TOR1B: variants seen among roughly 807,000 people sequenced by gnomAD.
TOR1B encodes the protein torsin-1B.
A neutral mutation model predicts 29.2 loss-of-function variants in TOR1B; 14 were observed. That is an observed-to-expected ratio of 0.48 (90% CI 0.32 to 0.75). The LOEUF (loss-of-function observed/expected upper bound fraction) is 0.75, where lower values mean the gene tolerates loss of function less well. Among genes scored for constraint, TOR1B ranks in the 30% least tolerant of loss-of-function variants. The pLI, the probability that TOR1B is intolerant of heterozygous loss-of-function variation, is 0.04. For missense variants in TOR1B, 400 were observed against 433.9 expected, an observed-to-expected ratio of 0.92 and a Z score of 0.69; for synonymous variants, 166 against 179.8, an observed-to-expected ratio of 0.92 and a Z score of 0.62.
rs1343462470 is a variant in TOR1B, at chr9:129,810,142, T to A, written c.*559T>A. 6 of 1,302,208 alleles carry A rather than the reference T, an allele frequency of 4.6e-6. No individual in the cohort carries two copies. In the East Asian group the frequency reaches 3.3e-4, roughly 72 times the overall value. 80.7% of individuals were successfully genotyped at this position (1,302,208 alleles called of 1,614,324 possible). On this transcript the variant is annotated 3_prime_UTR_variant, in exon 5 of 5. Coordinates refer to ENST00000259339, the MANE Select transcript of TOR1B (RefSeq NM_014506.3). ...GGACTTGCTGCAGGCTGGGGGGCAC[T>A]GGGTGGTTCTCACCAGCAGGCTGCG... is the stretch of plus-strand genomic sequence containing the variant.
At chr9:129,805,093 G>C (rs1391444020) in intron 2 of TOR1B, among the ~76,000 whole-genome samples, 1 of 150,282 alleles carries the variant, frequency 6.7e-6, no homozygotes, top group African/African-American at 2.5e-5. Flanking sequence ...AGCCGAGATC[G>C]CGCCACTGCA....
At chr9:129,808,791 A>T in intron 3 of TOR1B, 114 bp from the exon 4 acceptor site, 1 of 1,338,584 alleles carries the variant, frequency 7.5e-7, no homozygotes, top group East Asian at 2.5e-5. Flanking sequence ...ACCTCAGGTG[A>T]TCTACCTGCC....
chr9:129,803,994 T>C lies in TOR1B; in HGVS notation c.200-79T>C. 1.9e-6 allele frequency: 3 copies of C among 1,573,732 alleles called. No individual in the cohort carries two copies. The African/African-American group carries it at 4.1e-5, about 21-fold the overall frequency. On this transcript the variant is annotated intron_variant, in intron 1 of 4. Coordinates refer to ENST00000259339, the MANE Select transcript of TOR1B (RefSeq NM_014506.3). ...CCTGGATAATCTGTGCTTCTTGCTT[T>C]GGCCAGCTAAGAAAGTGCTGCGTTG...
chr9:129,809,104 C>T (rs2030680877), intron 4 of TOR1B, 72 bp downstream of exon 4: 3 of 1,541,218 alleles, frequency 1.9e-6, no homozygotes, highest in Non-Finnish European at 2.6e-6. Flanking sequence ...TTGAGTGTTT[C>T]ACAAAGCCAC....
intron 2 of TOR1B, among the ~76,000 whole-genome samples, chr9:129,806,312 A>T (rs1341216623): frequency 6.6e-6 from 1 of 152,176 alleles, no homozygotes; most frequent in Non-Finnish European, 1.5e-5. Flanking sequence ...GAGTAATATA[A>T]ATGGTTGAGG....
At position 129,803,224 on chromosome 9, in the gene TOR1B, T is replaced by C; in HGVS notation, c.12T>C (p.Ala4=). 1 of 1,518,536 alleles carries C rather than the reference T, an allele frequency of 6.6e-7. No homozygotes were observed. The allele number at this position is 1,518,536 out of a possible 1,614,324, so 94.1% of individuals were successfully genotyped here. A position where few individuals can be genotyped will look rare whatever the true frequency, so the allele number is the denominator to read the frequency against. ...CTTCGAGGAGCGGGATGTTGCGGGC[T>C]GGGTGGCTCCGGGGCGCGGCGGCGC... MLR[A]GWLRGAAALA... The change falls in exon 1 of 5, where the codon GCT becomes GCC. Residue 4 remains alanine, a synonymous_variant. Transcript: ENST00000259339.
Position 129,803,225 on chromosome 9 carries a change from G to T in TOR1B, c.13G>T (p.Gly5Trp). ...TTCGAGGAGCGGGATGTTGCGGGCT[G>T]GGTGGCTCCGGGGCGCGGCGGCGCT... MLRA[G>W]WLRGAAALAL... The change falls in exon 1 of 5, where the codon GGG becomes TGG. Residue 5 changes from glycine to tryptophan, a missense_variant. Transcript: ENST00000259339. The T allele has an allele frequency of 2.0e-6, 3 of 1,523,548 alleles. No individual in the cohort carries two copies. Among genetic ancestry groups the T allele is most frequent in the East Asian group, 2.5e-5 (1 of 39,534 alleles). 94.4% of individuals were successfully genotyped at this position (1,523,548 alleles called of 1,614,324 possible). A position where few individuals can be genotyped will look rare whatever the true frequency, so the allele number is the denominator to read the frequency against.
In TOR1B at chr9:129,804,346, A is replaced by G; in HGVS notation, c.465+8A>G. On this transcript the variant is annotated splice_region_variant and intron_variant, in intron 2 of 4. Coordinates refer to ENST00000259339, the MANE Select transcript of TOR1B (RefSeq NM_014506.3). Reference sequence around the variant, plus strand: ...AAGATAAAACTGTACCAGGCAAGAGAACCCGCTATTATCTCGTCTGCAGGC... The same window carrying G: ...AAGATAAAACTGTACCAGGCAAGAGGACCCGCTATTATCTCGTCTGCAGGC... 1 of 1,608,494 alleles carries G rather than the reference A, an allele frequency of 6.2e-7. No individual in the cohort carries two copies. The highest frequency in any genetic ancestry group is 8.5e-7 in the Non-Finnish European group (1 of 1,175,150).
chr9:129,805,540 G>T (rs913942394), intron 2 of TOR1B, among the ~76,000 whole-genome samples: 1 of 152,208 alleles, frequency 6.6e-6, no homozygotes, highest in African/African-American at 2.4e-5. Flanking sequence ...CCAACTCCCA[G>T]TTGACATGGT....
chr9:129,808,573 G>A (rs1196142721), intron 3 of TOR1B, among the ~76,000 whole-genome samples: 7 of 94,266 alleles, frequency 7.4e-5, no homozygotes, highest in Non-Finnish European at 1.4e-4. Flanking sequence ...TTTTGAGACC[G>A]AGTTTCATTT....
intron 2 of TOR1B, among the ~76,000 whole-genome samples, chr9:129,806,387 G>A (rs906230857): frequency 6.6e-6 from 1 of 152,170 alleles, no homozygotes; most frequent in African/African-American, 2.4e-5. Flanking sequence ...TGTTGCTTGA[G>A]TGTCTTTATG....
chr9:129,807,265 A>G lies in TOR1B; in HGVS notation c.543A>G (p.Lys181=), dbSNP rs765388606. 1.2e-6 allele frequency: 2 copies of G among 1,614,156 alleles called. No individual in the cohort carries two copies. The highest frequency in any genetic ancestry group is 1.6e-4 in the Middle Eastern group (1 of 6,062). ...TTTTCATATTTGACGAGATGGATAAATTGCACCCCGGGATCATTGACGCAA... is the reference window on the plus strand; with the variant it reads ...TTTTCATATTTGACGAGATGGATAAGTTGCACCCCGGGATCATTGACGCAA... ...NSVFIFDEMD[K]LHPGIIDAIK... The change falls in exon 3 of 5, where the codon AAA becomes AAG. Residue 181 remains lysine, a synonymous_variant. Transcript: ENST00000259339.
rs781249965 is a variant in TOR1B at position 129,804,126 on chromosome 9, G to C, written c.253G>C (p.Val85Leu). 1 of 1,614,218 alleles carries C rather than the reference G, an allele frequency of 6.2e-7. No individual in the cohort carries two copies. The change falls in exon 2 of 5, where the codon GTG becomes CTG. Residue 85 changes from valine (V) to leucine (L), a missense_variant. Coordinates refer to ENST00000259339, the MANE Select transcript of TOR1B (RefSeq NM_014506.3). ...GTTTGGACAGCATCTAGCCACGGAAGTGATTTTCAAGGCGCTGACTGGCTT... is the reference window on the plus strand; with the variant it reads ...GTTTGGACAGCATCTAGCCACGGAACTGATTTTCAAGGCGCTGACTGGCTT... ...KLFGQHLATE[V>L]IFKALTGFRN...
Position 129,810,452 on chromosome 9 carries a change from G to A in TOR1B, c.*869G>A. ...AGCTGCTAATACAGCCCTGGCTGTGGAATCCTTCACCGTCTCAGCTGGTAT... is the reference window on the plus strand; with the variant it reads ...AGCTGCTAATACAGCCCTGGCTGTGAAATCCTTCACCGTCTCAGCTGGTAT... On this transcript the variant is annotated 3_prime_UTR_variant, in exon 5 of 5. Coordinates refer to ENST00000259339, the MANE Select transcript of TOR1B (RefSeq NM_014506.3). 2 of 1,169,544 alleles carry A rather than the reference G, an allele frequency of 1.7e-6. No homozygotes were observed. The highest frequency in any genetic ancestry group is 2.2e-6 in the Non-Finnish European group (2 of 923,966). The allele number at this position is 1,169,544 out of a possible 1,614,324, so 72.4% of individuals were successfully genotyped here.
chr9:129,804,397 C>T, intron 2 of TOR1B, 59 bp downstream of exon 2: 2 of 1,580,936 alleles, frequency 1.3e-6, no homozygotes, highest in South Asian at 1.1e-5. Flanking sequence ...GGGTGACCTG[C>T]TCACTAACTC....
At position 129,810,556 on chromosome 9, in the gene TOR1B, T is replaced by G. The variant is rs897524968; in HGVS notation, c.*973T>G. On this transcript the variant is annotated 3_prime_UTR_variant, in exon 5 of 5. Coordinates refer to ENST00000259339, the MANE Select transcript of TOR1B (RefSeq NM_014506.3). ...CCCAACCATATATCATAGAGTTGAATCACAATGAGACCGTTGGCTTTGAAT... is the reference window on the plus strand; with the variant it reads ...CCCAACCATATATCATAGAGTTGAAGCACAATGAGACCGTTGGCTTTGAAT... The G allele has an allele frequency of 2.6e-5, 14 of 540,104 alleles. No individual in the cohort carries two copies. The highest frequency in any genetic ancestry group is 2.4e-4 in the Admixed American group (5 of 20,856). 33.5% of individuals were successfully genotyped at this position (540,104 alleles called of 1,614,324 possible). A position where few individuals can be genotyped will look rare whatever the true frequency, so the allele number is the denominator to read the frequency against.
intron 2 of TOR1B, among the ~76,000 whole-genome samples, chr9:129,804,824 C>G (rs1208949720): frequency 1.9e-5 from 2 of 105,908 alleles, no homozygotes; most frequent in East Asian, 2.8e-4. Flanking sequence ...ATCGCGCCAC[C>G]GTACTCGGTC....
rs746826617 is a variant in TOR1B, at chr9:129,809,392, AT to A, written c.821del (p.Ile274ThrfsTer11). The A allele has an allele frequency of 6.2e-7, 1 of 1,614,088 alleles. No homozygotes were observed. The highest frequency in any genetic ancestry group is 1.1e-5 in the South Asian group (1 of 91,078). ...CGACAAAAACCTCATTGATTACTTT[AT>A]CCCCTTCCTGCCTTTGGAGTACAGA... ...LIDKNLIDYFIPFLPLEYRHV... is the reference protein window; with the variant it reads ...LIDKNLIDYFXPFLPLEYRHV... On this transcript the variant is annotated frameshift_variant, in exon 5 of 5. Coordinates refer to ENST00000259339, the MANE Select transcript of TOR1B (RefSeq NM_014506.3). LOFTEE classifies it high-confidence loss of function.
Position 129,809,667 on chromosome 9 carries a change from T to C in TOR1B, c.*84T>C. The C allele has an allele frequency of 1.9e-6, 3 of 1,570,578 alleles. No individual in the cohort carries two copies. Among genetic ancestry groups the C allele is most frequent in the Non-Finnish European group, 2.6e-6 (3 of 1,161,384 alleles). ...CTTTCAGAAGAACCCTGAAGACCGC[T>C]TTGGGGTTTTGCCTGTTTGCACCTT... is the stretch of plus-strand genomic sequence containing the variant. On this transcript the variant is annotated 3_prime_UTR_variant, in exon 5 of 5. Transcript: ENST00000259339.
Sources: allele counts gnomAD v4.1 joint callset (sites outside exome capture counted in the v4.1 genomes callset), GRCh38; gene constraint gnomAD v4.1.1; transcripts MANE v1.5; gene names NCBI Gene and HGNC (gene_info 2026-07-23, HGNC 2026-07-21).